Variants in NR1H3 observed in about 807,000 individuals in gnomAD.
NR1H3 encodes nuclear receptor subfamily 1 group H member 3.
Under a neutral mutation model 48.1 loss-of-function variants are expected in NR1H3, and 19 were observed. The observed-to-expected ratio is 0.40, with a 90% CI of 0.28 to 0.58. NR1H3 has a LOEUF of 0.58. Among genes scored for constraint, NR1H3 ranks in the 20% least tolerant of loss-of-function variants. NR1H3 has a pLI of 0.50. For synonymous variants in NR1H3, 232 were observed against 227.3 expected, an observed-to-expected ratio of 1.02 and a Z score of -0.19; for missense variants, 486 against 595.9, an observed-to-expected ratio of 0.82 and a Z score of 1.92.
rs1019871700 is a variant in NR1H3, at chr11:47,261,906, T to C, written c.889-13T>C. The C allele has an allele frequency of 1.2e-6, 2 of 1,612,836 alleles. No homozygotes were observed. Among genetic ancestry groups the C allele is most frequent in the Non-Finnish European group, 1.7e-6 (2 of 1,179,018 alleles). On this transcript the variant is annotated splice_polypyrimidine_tract_variant and intron_variant, in intron 6 of 9. Transcript: ENST00000441012. ...CTCCTAGTCCCCGTTTGAGGTTTGCTGCTTGTGTGCAGGTGATGCTTCTGG... is the reference window on the plus strand; with the variant it reads ...CTCCTAGTCCCCGTTTGAGGTTTGCCGCTTGTGTGCAGGTGATGCTTCTGG...
chr11:47,266,652 T>C (rs1170729517), intron 7 of NR1H3, among the ~76,000 whole-genome samples: 2 of 150,950 alleles, frequency 1.3e-5, no homozygotes, highest in East Asian at 2.0e-4. Flanking sequence ...TTTTCTTTTT[T>C]TTTTTTTGAG....
intron 8 of NR1H3, 70 bp from the exon 9 acceptor site, chr11:47,268,191 T>C: frequency 7.1e-7 from 1 of 1,413,236 alleles, no homozygotes; most frequent in Non-Finnish European, 9.9e-7. Context: ...CTCTATATTT[T>C]GGTTGCAATT....
rs1957793579 is a variant in NR1H3, at chr11:47,268,893, CTG to C, written c.*201_*202del. The C allele has an allele frequency of 4.7e-6, 3 of 641,286 alleles. No homozygotes were observed. The highest frequency in any genetic ancestry group is 6.1e-5 in the Admixed American group (2 of 32,904). The allele number at this position is 641,286 out of a possible 1,614,324, so 39.7% of individuals were successfully genotyped here. A position where few individuals can be genotyped will look rare whatever the true frequency, so the allele number is the denominator to read the frequency against. On this transcript the variant is annotated 3_prime_UTR_variant, in exon 10 of 10. Coordinates refer to ENST00000441012, the MANE Select transcript of NR1H3 (RefSeq NM_005693.4). ...CAGTGGAGCCCTCGCTAACACTGTG[CTG>C]TGTCTGAAGATCATGCTGACCCCAC...
chr11:47,257,522 T>G, upstream of NR1H3: 2 of 338,094 alleles, frequency 5.9e-6, no homozygotes, highest in Non-Finnish European at 8.4e-6. Flanking sequence ...CTGGGGCTAG[T>G]GGGGAGAGCT....
upstream of NR1H3, chr11:47,257,975 G>A (rs913279941): frequency 3.9e-5 from 38 of 985,828 alleles, no homozygotes; most frequent in Non-Finnish European, 4.3e-5. Flanking sequence ...TCCCCAAATT[G>A]CTACTTCTCT....
rs185443543 is a variant in NR1H3 at position 47,266,727 on chromosome 11, C to T, written c.989-1186C>T. Among the ~76,000 whole-genome samples the T allele has an allele frequency of 1.7e-3, 261 of 151,712 alleles. 1 individual carries two copies. The highest frequency in any genetic ancestry group is 6.0e-3 in the African/African-American group (248 of 41,324). On this transcript the variant is annotated intron_variant, in intron 7 of 9. Coordinates refer to ENST00000441012, the MANE Select transcript of NR1H3 (RefSeq NM_005693.4). ...CGTGATCTCGGCTTACTGCAACCTC[C>T]GCCTCCCAGATTCAAGCAATTCTCC...
upstream of NR1H3, chr11:47,248,529 G>T: frequency 6.4e-7 from 1 of 1,551,488 alleles, no homozygotes; most frequent in Non-Finnish European, 8.7e-7. Context: ...CAGGGCTCCA[G>T]GTCAATCCTG....
intron 2 of NR1H3, 120 bp downstream of exon 2, chr11:47,259,379 T>C: frequency 6.2e-7 from 1 of 1,600,992 alleles, no homozygotes; most frequent in East Asian, 2.2e-5. Flanking sequence ...CCAGAGTCAT[T>C]CTTAGTCGTG....
exon 1 of NR1H3, chr11:47,248,959 AG>A: frequency 1.3e-6 from 2 of 1,528,920 alleles, no homozygotes; most frequent in Non-Finnish European, 1.7e-6. Context: ...GATTGCGTGC[AG>A]GAGGGTCGTG....
chr11:47,251,043 C>G (rs1028228233), intron 1 of NR1H3, among the ~76,000 whole-genome samples: 3 of 152,008 alleles, frequency 2.0e-5, no homozygotes, highest in African/African-American at 7.2e-5. Context: ...CCGGTAGTCC[C>G]AGCTACTCAG....
At chr11:47,248,587 C>T (rs1954326606), upstream of NR1H3, 1 of 1,552,186 alleles carries the variant, frequency 6.4e-7, no homozygotes, top group South Asian at 1.2e-5. Flanking sequence ...CCTAAACCAG[C>T]TGTTCCTTCC....
intron 1 of NR1H3, chr11:47,249,042 CTTGA>C: frequency 6.9e-7 from 1 of 1,444,130 alleles, no homozygotes; most frequent in Non-Finnish European, 9.1e-7. Flanking sequence ...AAGACCTCAT[CTTGA>C]TTAAGAAGGC....
chr11:47,268,602 T>G lies in NR1H3; in HGVS notation c.1250T>G (p.Leu417Arg). 6.2e-7 allele frequency: 1 copy of G among 1,614,244 alleles called. No individual in the cohort carries two copies. Among genetic ancestry groups the G allele is most frequent in the East Asian group, 2.2e-5 (1 of 44,890 alleles). ...ATGAAACTGGTGAGCCTCCGGACCC[T>G]GAGCAGCGTCCACTCAGAGCAAGTG... ...MLMKLVSLRT[L>R]SSVHSEQVFA... Residue 417 changes from leucine to arginine, a missense_variant, in exon 10 of 10, where the codon CTG becomes CGG. Physicochemically the swap from Leu to Arg is moderately radical, Grantham distance 102. Transcript: ENST00000441012.
chr11:47,262,388 A>T (rs1019655476), intron 7 of NR1H3, among the ~76,000 whole-genome samples: 41 of 151,354 alleles, frequency 2.7e-4, no homozygotes, highest in African/African-American at 9.7e-4. Context: ...AAATTGAGAT[A>T]GAGTCTTACT....
At chr11:47,255,578 TTTC>T (rs1429583752), upstream of NR1H3, among the ~76,000 whole-genome samples, 4 of 90,102 alleles carry the variant, frequency 4.4e-5, no homozygotes, top group Non-Finnish European at 8.2e-5. Flanking sequence ...TCTTTCTTTC[TTTC>T]TTTCTTTCTT....
rs946121363 is a variant in NR1H3, at chr11:47,258,035, C to G, written c.-132C>G. On this transcript the variant is annotated 5_prime_UTR_variant, in exon 1 of 10. Transcript: ENST00000441012. ...CAGCTCCAGCTCACTGGCTGGCCAC[C>G]GAGACTTCTGGACAGGAAACTGCAC... 19 of 985,382 alleles carry G rather than the reference C, an allele frequency of 1.9e-5. No homozygotes were observed. The highest frequency in any genetic ancestry group is 2.2e-5 in the Non-Finnish European group (18 of 830,116). 61.0% of individuals were successfully genotyped at this position (985,382 alleles called of 1,614,324 possible).
chr11:47,266,586 G>A (rs899133519), intron 7 of NR1H3, among the ~76,000 whole-genome samples: 52 of 151,764 alleles, frequency 3.4e-4, no homozygotes, highest in African/African-American at 1.3e-3. Flanking sequence ...CGTCTGCCTC[G>A]GCCTCCTAAA....
chr11:47,268,692 A>G lies in NR1H3; in HGVS notation c.1340A>G (p.Glu447Gly). The change falls in exon 10 of 10, where the codon GAA becomes GGA. Residue 447 changes from glutamate to glycine, a missense_variant. Transcript: ENST00000441012. ...CTCTCTGAGATCTGGGATGTGCACG[A>G]ATGACTGTTCTGTCCCCATATTTTC... The part of the protein sequence containing the change: ...PLLSEIWDVH[E>G] 1.9e-6 allele frequency: 3 copies of G among 1,614,028 alleles called. No homozygotes were observed. Among genetic ancestry groups the G allele is most frequent in the Non-Finnish European group, 2.5e-6 (3 of 1,180,000 alleles).
At chr11:47,256,456 G>A (rs1955183921), upstream of NR1H3, among the ~76,000 whole-genome samples, 1 of 152,122 alleles carries the variant, frequency 6.6e-6, no homozygotes, top group African/African-American at 2.4e-5. Context: ...GGTAATAAGA[G>A]GTTTAGGATT....
Sources: gnomAD v4.1 joint callset for allele counts (sites outside exome capture counted in the v4.1 genomes callset) on GRCh38, gnomAD v4.1.1 for gene constraint, MANE v1.5 for transcripts, NCBI Gene and HGNC (gene_info 2026-07-23, HGNC 2026-07-21) for gene names.